TMEM132D: variants seen among roughly 807,000 people sequenced by gnomAD.
TMEM132D encodes transmembrane protein 132D, also known as mature OL transmembrane protein.
Under a neutral mutation model 62.3 loss-of-function variants are expected in TMEM132D, and 21 were observed. The observed-to-expected ratio is 0.34, with a 90% CI of 0.24 to 0.49. The LOEUF is 0.49. TMEM132D is among the 20% of genes least tolerant of loss of function. The pLI, the probability that TMEM132D is intolerant of heterozygous loss-of-function variation, is 0.99. For synonymous variants in TMEM132D, 621 were observed against 575.6 expected (o/e 1.08, Z -1.13); for missense variants, 1,346 against 1,402.8 (o/e 0.96, Z 0.65).
chr12:129,304,230 T>C (rs1173473259), intron 4 of TMEM132D, among the ~76,000 whole-genome samples: 1 of 152,190 alleles, frequency 6.6e-6, no homozygotes, highest in Non-Finnish European at 1.5e-5. Context: ...GCTCCTTGCC[T>C]GACAACTCTA....
intron 5 of TMEM132D, among the ~76,000 whole-genome samples, chr12:129,092,592 G>A (rs1390437533): frequency 6.6e-6 from 1 of 152,222 alleles, no homozygotes. Flanking sequence ...CTACTTGGGA[G>A]GCTGAGGAAG....
At chr12:129,482,949 GT>G in intron 3 of TMEM132D, among the ~76,000 whole-genome samples, 1 of 1,932 alleles carries the variant, frequency 5.2e-4, no homozygotes, top group South Asian at 0.018. Flanking sequence ...TTTAATCTGT[GT>G]GTGTGTGTGT....
At chr12:129,414,387 AGTCACTCCTTCCTTTGCAACTAGAAG>A (rs1296759737) in intron 3 of TMEM132D, among the ~76,000 whole-genome samples, 1 of 152,218 alleles carries the variant, frequency 6.6e-6, no homozygotes, top group African/African-American at 2.4e-5. Flanking sequence ...CTTATTCAGA[AGTCACTCCTTCCTTTGCAACTAGAAG>A]GTCTTGTTTG....
chr12:129,643,846 CA>C (rs1293749207), intron 2 of TMEM132D, among the ~76,000 whole-genome samples: 1 of 117,712 alleles, frequency 8.5e-6, no homozygotes, highest in African/African-American at 3.0e-5. Flanking sequence ...ACCAATGTAC[CA>C]TTTTTTTTTT....
chr12:129,436,033 CAT>C (rs1041888277), intron 3 of TMEM132D, among the ~76,000 whole-genome samples: 1 of 152,160 alleles, frequency 6.6e-6, no homozygotes, highest in African/African-American at 2.4e-5. Context: ...ACTCAACTGA[CAT>C]GTGTAATTTA....
intron 2 of TMEM132D, among the ~76,000 whole-genome samples, chr12:129,591,374 A>G: frequency 6.6e-6 from 1 of 152,176 alleles, no homozygotes; most frequent in East Asian, 1.9e-4. Flanking sequence ...ATAATTTCAG[A>G]ACAGAGGAAC....
At chr12:129,507,164 C>A (rs1170024131) in intron 3 of TMEM132D, among the ~76,000 whole-genome samples, 1 of 152,060 alleles carries the variant, frequency 6.6e-6, no homozygotes, top group Non-Finnish European at 1.5e-5. Context: ...GTGATACCAC[C>A]TTACTCCTAC....
intron 4 of TMEM132D, among the ~76,000 whole-genome samples, chr12:129,284,158 G>A (rs1486672372): frequency 6.6e-6 from 1 of 152,014 alleles, no homozygotes; most frequent in East Asian, 1.9e-4. Context: ...CTAGTCCCCG[G>A]ATGCCTGAAG....
At position 129,700,555 on chromosome 12, in the gene TMEM132D, G is replaced by A. The variant is rs781437246; in HGVS notation, c.223C>T (p.Leu75=). The A allele has an allele frequency of 5.0e-6, 8 of 1,613,980 alleles. No individual in the cohort carries two copies. The highest frequency in any genetic ancestry group is 6.8e-6 in the Non-Finnish European group (8 of 1,180,036). Residue 75 remains leucine (L), a synonymous_variant, in exon 2 of 9, where the codon CTG becomes TTG. Coordinates refer to ENST00000422113, the MANE Select transcript of TMEM132D (RefSeq NM_133448.3). ...ANQDIMRNSS[L]QSRVESFLIY... The stretch of plus-strand genomic sequence containing the variant: ...AGAAATGACTCCACCCGGGACTGCA[G>A]GCTGGAGTTCCTCATGATATCCTGG...
chr12:129,285,539 A>AAAAAAAAAAAAAGAG lies in TMEM132D; in HGVS notation c.1299+52094_1299+52095insCTCTTTTTTTTTTTT, dbSNP rs56018646. ...GAGACTGTGTCTCAAAAAAAAAAAA[A>AAAAAAAAAAAAAGAG]AGAGAGAGAGAGAGAGGCTCCCATT... On this transcript the variant is annotated intron_variant, in intron 4 of 8. Transcript: ENST00000422113. 2.2e-3 allele frequency among the ~76,000 whole-genome samples: 201 copies of AAAAAAAAAAAAAGAG among 90,010 alleles called. 19 individuals carry two copies. The highest frequency in any genetic ancestry group is 2.8e-3 in the Non-Finnish European group (130 of 46,742). 59.1% of individuals were successfully genotyped at this position (90,010 alleles called of 152,430 possible).
At chr12:129,611,273 C>A (rs903882739) in intron 2 of TMEM132D, among the ~76,000 whole-genome samples, 3 of 152,186 alleles carry the variant, frequency 2.0e-5, no homozygotes, top group African/African-American at 7.2e-5. Context: ...GGGGACCTAA[C>A]TTTCTTTAGC....
intron 3 of TMEM132D, among the ~76,000 whole-genome samples, chr12:129,379,150 C>T (rs1365548716): frequency 1.3e-5 from 2 of 152,104 alleles, no homozygotes; most frequent in Non-Finnish European, 2.9e-5. Context: ...TCTTTCAGTA[C>T]TGTTTATTTG....
intron 1 of TMEM132D, among the ~76,000 whole-genome samples, chr12:129,892,843 T>G (rs1874973767): frequency 6.6e-6 from 1 of 152,060 alleles, no homozygotes; most frequent in African/African-American, 2.4e-5. Context: ...GTGGCCTGAT[T>G]TATGCATAAT....
intron 1 of TMEM132D, among the ~76,000 whole-genome samples, chr12:129,897,880 G>A (rs567828520): frequency 2.0e-5 from 3 of 152,330 alleles, no homozygotes; most frequent in African/African-American, 7.2e-5. Flanking sequence ...AATTCTGCCT[G>A]ACAAACCGCC....
chr12:129,797,510 G>A (rs1871602662), intron 1 of TMEM132D, among the ~76,000 whole-genome samples: 1 of 152,234 alleles, frequency 6.6e-6, no homozygotes, highest in African/African-American at 2.4e-5. Context: ...TCACTGCACA[G>A]CTGATCAGAC....
intron 4 of TMEM132D, among the ~76,000 whole-genome samples, chr12:129,278,996 CA>C (rs1203401862): frequency 6.6e-6 from 1 of 152,146 alleles, no homozygotes; most frequent in African/African-American, 2.4e-5. Context: ...TGGTTGGTAT[CA>C]AGCAGGATTC....
intron 2 of TMEM132D, among the ~76,000 whole-genome samples, chr12:129,581,396 C>G (rs144288037): frequency 0.025 from 3,775 of 152,272 alleles, 169 homozygotes; most frequent in African/African-American, 0.087. Context: ...CATATGATCA[C>G]AAGGTGAAGT....
At chr12:129,145,451 C>T (rs1035050316) in intron 5 of TMEM132D, among the ~76,000 whole-genome samples, 1 of 152,112 alleles carries the variant, frequency 6.6e-6, no homozygotes, top group African/African-American at 2.4e-5. Flanking sequence ...CTAGGAGAGG[C>T]CACGGACTTC....
chr12:129,145,523 C>T (rs751608390), intron 5 of TMEM132D, among the ~76,000 whole-genome samples: 16 of 152,038 alleles, frequency 1.1e-4, no homozygotes, highest in African/African-American at 3.6e-4. Flanking sequence ...CATCCGTGAT[C>T]GCAACATCAC....
Sources: gnomAD v4.1 joint callset for allele counts (sites outside exome capture counted in the v4.1 genomes callset) on GRCh38, gnomAD v4.1.1 for gene constraint, MANE v1.5 for transcripts, NCBI Gene and HGNC (gene_info 2026-07-23, HGNC 2026-07-21) for gene names.